Variants in SYNE1 observed in about 807,000 individuals in gnomAD.
SYNE1 encodes the protein nesprin-1.
In SYNE1, 616 loss-of-function variants were observed where a neutral mutation model predicts 1,111.0. That is an observed-to-expected ratio of 0.55 (90% CI 0.52 to 0.59). The LOEUF is 0.59. Among genes scored for constraint, SYNE1 ranks in the 20% least tolerant of loss-of-function variants. The pLI, the probability that SYNE1 is intolerant of heterozygous loss-of-function variation, is 0.00. For missense variants in SYNE1, 10,006 were observed against 10,417.0 expected, an observed-to-expected ratio of 0.96 and a Z score of 1.72; for synonymous variants, 3,855 against 3,825.8, an observed-to-expected ratio of 1.01 and a Z score of -0.28.
At chr6:152,471,489 A>G (rs1188008194) in intron 16 of SYNE1, 108 bp downstream of exon 16, 5 of 1,103,122 alleles carry the variant, frequency 4.5e-6, no homozygotes, top group South Asian at 1.3e-5. Flanking sequence ...AACACACGCT[A>G]TCTTTATGTT....
chr6:152,365,852 C>T (rs1209620433), intron 62 of SYNE1, among the ~76,000 whole-genome samples: 1 of 152,152 alleles, frequency 6.6e-6, no homozygotes, highest in Non-Finnish European at 1.5e-5. Flanking sequence ...TTGCCAACTT[C>T]CAAAGCCTCA....
rs770182107 is a variant in SYNE1, at chr6:152,244,681, T to A, written c.19573-25A>T. 2.5e-6 allele frequency: 4 copies of A among 1,613,530 alleles called. No homozygotes were observed. The South Asian group carries it at 4.4e-5, about 18-fold the overall frequency. On this transcript the variant is annotated intron_variant, in intron 105 of 145. Transcript: ENST00000367255. ...CCTAAGTAAGATCCATGACATTTTA[T>A]TAAAACTCCCATGAACAATTTCCCC...
At chr6:152,319,322 A>G (rs1279453714) in intron 84 of SYNE1, among the ~76,000 whole-genome samples, 1 of 152,206 alleles carries the variant, frequency 6.6e-6, no homozygotes, top group Admixed American at 6.5e-5. Flanking sequence ...TTTGAATCCT[A>G]TCTTCTCCAT....
At chr6:152,380,712 G>A in intron 56 of SYNE1, 1 of 392,938 alleles carries the variant, frequency 2.5e-6, no homozygotes, top group Non-Finnish European at 4.7e-6. Flanking sequence ...TTTTCAGACT[G>A]AATGGCTGAA....
intron 2 of SYNE1, among the ~76,000 whole-genome samples, chr6:152,632,685 C>T (rs141062935): frequency 8.3e-4 from 126 of 152,206 alleles, no homozygotes; most frequent in African/African-American, 2.6e-3. Flanking sequence ...TTACTGTGCA[C>T]GCAGGCTTAA....
At chr6:152,504,492 G>A (rs2099047152) in intron 9 of SYNE1, among the ~76,000 whole-genome samples, 1 of 152,136 alleles carries the variant, frequency 6.6e-6, no homozygotes, top group Admixed American at 6.5e-5. Flanking sequence ...GTAGGGAGGA[G>A]AGGGGAAAAA....
chr6:152,170,538 T>G (rs559523256), intron 130 of SYNE1, among the ~76,000 whole-genome samples: 44 of 152,336 alleles, frequency 2.9e-4, no homozygotes, highest in Non-Finnish European at 6.3e-4. Context: ...GCTCATCGCA[T>G]CAATGCATTC....
rs2097024542 is a variant in SYNE1 at position 152,364,700 on chromosome 6, G to GGAAGGAAGGAAA, written c.10145+146_10145+147insTTTCCTTCCTTC. ...GAAGGAGGAAGGAGGAAGGAAGGAA[G>GGAAGGAAGGAAA]GAAGGAAGGAAGGAAGGAAGGAAGG... is the stretch of plus-strand genomic sequence containing the variant. On this transcript the variant is annotated intron_variant, in intron 63 of 145. Transcript: ENST00000367255. 54 of 761,342 alleles carry GGAAGGAAGGAAA rather than the reference G, an allele frequency of 7.1e-5. 1 individual carries two copies. In the South Asian group the frequency reaches 7.7e-4, roughly 11 times the overall value. 47.2% of individuals were successfully genotyped at this position (761,342 alleles called of 1,614,324 possible).
At chr6:152,343,738 T>C (rs1232437203) in intron 74 of SYNE1, among the ~76,000 whole-genome samples, 2 of 150,504 alleles carry the variant, frequency 1.3e-5, no homozygotes, top group Admixed American at 6.6e-5. Flanking sequence ...CAGCTAATGT[T>C]TATATTTTTA....
chr6:152,177,306 G>A (rs533286964), intron 129 of SYNE1, among the ~76,000 whole-genome samples: 35 of 152,202 alleles, frequency 2.3e-4, no homozygotes, highest in African/African-American at 7.7e-4. Context: ...TTTAACTGAC[G>A]ATGAAAGGAC....
chr6:152,301,218 T>C (rs752664516), intron 92 of SYNE1, among the ~76,000 whole-genome samples: 3 of 152,192 alleles, frequency 2.0e-5, no homozygotes, highest in Non-Finnish European at 4.4e-5. Flanking sequence ...GGCTCAGGTA[T>C]GGTTACTCAT....
At chr6:152,404,116 T>TATACACACAC (rs747022132) in intron 46 of SYNE1, 97 bp downstream of exon 46, 1 of 540,138 alleles carries the variant, frequency 1.9e-6, no homozygotes, top group African/African-American at 1.9e-5. Flanking sequence ...TATATATATA[T>TATACACACAC]ACACACACAC....
At chr6:152,235,416 C>T (rs1034999001) in intron 110 of SYNE1, among the ~76,000 whole-genome samples, 1 of 152,146 alleles carries the variant, frequency 6.6e-6, no homozygotes, top group Non-Finnish European at 1.5e-5. Context: ...GGCTGGAGTG[C>T]AATGGCGCAA....
chr6:152,430,073 A>T, intron 36 of SYNE1, 39 bp downstream of exon 36: 1 of 1,390,812 alleles, frequency 7.2e-7, no homozygotes, highest in Non-Finnish European at 1.0e-6. Flanking sequence ...ATCAAATTTT[A>T]AGTTGGTAAA....
In SYNE1 at chr6:152,291,387, C is replaced by T. The variant is rs115832374; in HGVS notation, c.18012+2201G>A. On this transcript the variant is annotated intron_variant, in intron 95 of 145. Transcript: ENST00000367255. ...CTCCTTACTGCTGTGATGGCTAGTA[C>T]GACTACTACCAACTTAGAAAGGGAA... Among the ~76,000 whole-genome samples, 1,048 of 151,716 alleles carry T rather than the reference C, an allele frequency of 6.9e-3. 10 individuals are homozygous for T. The highest frequency in any genetic ancestry group is 0.023 in the African/African-American group (959 of 41,376).
rs145871207 is a variant in SYNE1 at position 152,288,345 on chromosome 6, A to T, written c.18013-4173T>A. ...ACCTACTTTCCACTAACTGTAGCCC[A>T]CAAGCAGATTTCTGTTTTCTGTTTG... On this transcript the variant is annotated intron_variant, in intron 95 of 145. Transcript: ENST00000367255. Among the ~76,000 whole-genome samples the T allele has an allele frequency of 5.9e-5, 9 of 152,264 alleles. No homozygotes were observed. The East Asian group carries it at 1.5e-3, about 26-fold the overall frequency.
At chr6:152,558,301 T>C (rs2099380290) in intron 3 of SYNE1, among the ~76,000 whole-genome samples, 1 of 152,124 alleles carries the variant, frequency 6.6e-6, no homozygotes, top group African/African-American at 2.4e-5. Flanking sequence ...AACTCCAAAA[T>C]AGAAAACAAC....
chr6:152,501,737 A>C (rs1409101842), intron 10 of SYNE1, among the ~76,000 whole-genome samples: 2 of 135,566 alleles, frequency 1.5e-5, no homozygotes, highest in East Asian at 2.1e-4. Context: ...TCCATCTCAC[A>C]AAAAAAAAAA....
At chr6:152,194,784 A>C (rs1442093782) in intron 127 of SYNE1, among the ~76,000 whole-genome samples, 2 of 151,336 alleles carry the variant, frequency 1.3e-5, no homozygotes, top group African/African-American at 2.4e-5. Context: ...CTATTAAGAG[A>C]CTCTGATGCA....
Sources: allele counts gnomAD v4.1 joint callset (sites outside exome capture counted in the v4.1 genomes callset), GRCh38; gene constraint gnomAD v4.1.1; transcripts MANE v1.5; gene names NCBI Gene and HGNC (gene_info 2026-07-23, HGNC 2026-07-21).